The following GPR141 variants were observed in gnomAD, a reference collection of about 807,000 sequenced individuals.
GPR141 encodes the protein G protein-coupled receptor 141, also known as probable G protein-coupled receptor 141.
In GPR141, 6 loss-of-function variants were observed where a neutral mutation model predicts 6.8. That is an observed-to-expected ratio of 0.88 (90% CI 0.48 to 1.74). The LOEUF (loss-of-function observed/expected upper bound fraction) is 1.74, where lower values mean the gene tolerates loss of function less well. Among genes scored for constraint, GPR141 ranks in the 40% most tolerant of loss-of-function variants. GPR141 has a pLI of 0.01. For synonymous variants in GPR141, 140 were observed against 142.3 expected (o/e 0.98, Z 0.11); for missense variants, 372 against 372.9 (o/e 1.00, Z 0.02).
chr7:37,686,085 A>G (rs1295285809), intron 2 of GPR141, among the ~76,000 whole-genome samples: 1 of 150,398 alleles, frequency 6.6e-6, no homozygotes, highest in Non-Finnish European at 1.5e-5. Flanking sequence ...TGAAGCCTTC[A>G]CCTCCTGGAA....
chr7:37,731,562 G>A (rs1004468583), intron 2 of GPR141, among the ~76,000 whole-genome samples: 3 of 152,014 alleles, frequency 2.0e-5, no homozygotes, highest in Admixed American at 1.3e-4. Flanking sequence ...TCCTGCCTCA[G>A]CCTCCCGAGT....
rs994916478 is a variant in GPR141 at position 37,742,783 on chromosome 7, T to C, written c.*1472T>C. On this transcript the variant is annotated 3_prime_UTR_variant, in exon 3 of 3. Transcript: ENST00000334425. The stretch of plus-strand genomic sequence containing the variant: ...TTAATACTCGGGATGAAATAATCTG[T>C]ACAACAAACTCCCATGACACATGTT... Among the ~76,000 whole-genome samples the C allele has an allele frequency of 6.6e-6, 1 of 152,150 alleles. No individual in the cohort carries two copies. The highest frequency in any genetic ancestry group is 1.5e-5 in the Non-Finnish European group (1 of 68,008).
chr7:37,716,392 G>A (rs917758939), intron 2 of GPR141, among the ~76,000 whole-genome samples: 9 of 152,182 alleles, frequency 5.9e-5, no homozygotes, highest in African/African-American at 2.2e-4. Context: ...CAAAGGGGGT[G>A]AAAGATTTCT....
chr7:37,709,999 T>A (rs1286268446), intron 2 of GPR141, among the ~76,000 whole-genome samples: 1 of 152,198 alleles, frequency 6.6e-6, no homozygotes, highest in Non-Finnish European at 1.5e-5. Context: ...CAGCATGGAT[T>A]CTCTGTTCAT....
chr7:37,705,062 T>C (rs1338630745), intron 2 of GPR141, among the ~76,000 whole-genome samples: 1 of 152,172 alleles, frequency 6.6e-6, no homozygotes, highest in Non-Finnish European at 1.5e-5. Context: ...TGAATAAATA[T>C]ATGTATAGTT....
chr7:37,738,701 A>G (rs984084532), intron 2 of GPR141, among the ~76,000 whole-genome samples: 1 of 152,174 alleles, frequency 6.6e-6, no homozygotes, highest in African/African-American at 2.4e-5. Flanking sequence ...CAATAAAAAT[A>G]ACCAATTTTA....
At chr7:37,732,022 G>C (rs1040997078) in intron 2 of GPR141, among the ~76,000 whole-genome samples, 4 of 119,518 alleles carry the variant, frequency 3.3e-5, no homozygotes, top group Non-Finnish European at 5.2e-5. Context: ...AGGTTTCTTT[G>C]TTTGTTTTTT....
At chr7:37,733,500 C>T (rs551498964) in intron 2 of GPR141, among the ~76,000 whole-genome samples, 175 of 151,728 alleles carry the variant, frequency 1.2e-3, no homozygotes, top group African/African-American at 4.0e-3. Context: ...GGTGAAACTC[C>T]GTCTCTACTA....
intron 2 of GPR141, among the ~76,000 whole-genome samples, chr7:37,702,562 A>G (rs1019670620): frequency 3.3e-5 from 5 of 151,882 alleles, no homozygotes; most frequent in Admixed American, 2.6e-4. Context: ...AACAATACAC[A>G]TATCTCGGAA....
At position 37,686,185 on chromosome 7, in the gene GPR141, A is replaced by C. The variant is rs541610224; in HGVS notation, c.-15+602A>C. On this transcript the variant is annotated intron_variant, in intron 2 of 2. Transcript: ENST00000334425. Reference sequence around the variant, plus strand: ...GCCTTTTTTTTTTTTTTTTTTCTTTAGAGAGGGGGTCTCACTATGTTGCCA... The same window carrying C: ...GCCTTTTTTTTTTTTTTTTTTCTTTCGAGAGGGGGTCTCACTATGTTGCCA... Among the ~76,000 whole-genome samples, 12 of 84,500 alleles carry C rather than the reference A, an allele frequency of 1.4e-4. No homozygotes were observed. In the East Asian group the frequency reaches 3.8e-3, roughly 27 times the overall value. 55.4% of individuals were successfully genotyped at this position (84,500 alleles called of 152,430 possible).
At position 37,743,297 on chromosome 7, in the gene GPR141, T is replaced by C. The variant is rs1242146244; in HGVS notation, c.*1986T>C. Among the ~76,000 whole-genome samples, 1 of 152,156 alleles carries C rather than the reference T, an allele frequency of 6.6e-6. No individual in the cohort carries two copies. Among genetic ancestry groups the C allele is most frequent in the Non-Finnish European group, 1.5e-5 (1 of 68,010 alleles). ...CTGTGAATTTCTGTGACCACTAAAA[T>C]TACTGAGCCACAGAAATTAATTCTG... On this transcript the variant is annotated 3_prime_UTR_variant, in exon 3 of 3. Transcript: ENST00000334425.
chr7:37,717,584 C>G (rs912541031), intron 2 of GPR141, among the ~76,000 whole-genome samples: 1 of 152,188 alleles, frequency 6.6e-6, no homozygotes, highest in East Asian at 1.9e-4. Flanking sequence ...CTCTCACCCC[C>G]CTTGTTGTGT....
intron 2 of GPR141, among the ~76,000 whole-genome samples, chr7:37,710,014 C>T (rs78109211): frequency 1.3e-5 from 2 of 152,246 alleles, no homozygotes; most frequent in African/African-American, 2.4e-5. Context: ...GTTCATGAAG[C>T]TCTCTCTGCA....
chr7:37,705,455 A>G (rs889563531), intron 2 of GPR141, among the ~76,000 whole-genome samples: 1 of 152,208 alleles, frequency 6.6e-6, no homozygotes, highest in East Asian at 1.9e-4. Context: ...GGACTGCGAT[A>G]TATCAGTTGG....
At chr7:37,713,559 A>G (rs1032546994) in intron 2 of GPR141, 1 of 152,220 alleles carries the variant, frequency 6.6e-6, no homozygotes, top group African/African-American at 2.4e-5. Context: ...CTCTGTGTAT[A>G]GATTCTTCTA....
In GPR141 at chr7:37,740,690, G is replaced by A. The variant is rs748296186; in HGVS notation, c.297G>A (p.Met99Ile). 1.2e-6 allele frequency: 2 copies of A among 1,614,142 alleles called. No homozygotes were observed. The highest frequency in any genetic ancestry group is 2.2e-5 in the South Asian group (2 of 91,080). Residue 99 changes from methionine to isoleucine, a missense_variant, in exon 3 of 3, where the codon ATG becomes ATA. Transcript: ENST00000334425. Reference sequence around the variant, plus strand: ...TGAGTGCCATGCTGCACATCCACATGTACCTCACGTTCCTATTCTATGTGG... The same window carrying A: ...TGAGTGCCATGCTGCACATCCACATATACCTCACGTTCCTATTCTATGTGG... ...KFVSAMLHIH[M>I]YLTFLFYVVI...
intron 2 of GPR141, among the ~76,000 whole-genome samples, chr7:37,719,404 G>A (rs1811206866): frequency 6.6e-6 from 1 of 152,174 alleles, no homozygotes; most frequent in African/African-American, 2.4e-5. Flanking sequence ...TCCTGATAAT[G>A]CTTGGATATC....
rs1326924565 is a variant in GPR141 at position 37,742,411 on chromosome 7, A to G, written c.*1100A>G. ...CCCTCCCCTAGCCCCCCACCCCTGG[A>G]CAGGCCCCATTGTGTGATGTTCCCC... On this transcript the variant is annotated 3_prime_UTR_variant, in exon 3 of 3. Coordinates refer to ENST00000334425, the MANE Select transcript of GPR141 (RefSeq NM_001381946.1). 2.0e-5 allele frequency among the ~76,000 whole-genome samples: 3 copies of G among 149,038 alleles called. No individual in the cohort carries two copies. The highest frequency in any genetic ancestry group is 3.0e-5 in the Non-Finnish European group (2 of 67,406).
intron 2 of GPR141, among the ~76,000 whole-genome samples, chr7:37,716,222 A>G (rs2131802190): frequency 6.6e-6 from 1 of 152,336 alleles, no homozygotes; most frequent in South Asian, 2.1e-4. Context: ...GACAAGAATT[A>G]GACATAGTTC....
Sources: gnomAD v4.1 joint callset for allele counts (sites outside exome capture counted in the v4.1 genomes callset) on GRCh38, gnomAD v4.1.1 for gene constraint, MANE v1.5 for transcripts, NCBI Gene and HGNC (gene_info 2026-07-23, HGNC 2026-07-21) for gene names.